Variants in SLC24A4 observed in about 807,000 individuals in gnomAD.
SLC24A4 encodes sodium/potassium/calcium exchanger 4.
SLC24A4 carries 53 observed loss-of-function variants against 79.0 expected under a neutral mutation model. That is an observed-to-expected ratio of 0.67 (90% confidence interval 0.54 to 0.84). The LOEUF (loss-of-function observed/expected upper bound fraction) is 0.84. Among genes scored for constraint, SLC24A4 ranks in the 40% least tolerant of loss-of-function variants. The pLI is 0.00. For missense variants in SLC24A4, 731 were observed against 822.0 expected (o/e 0.89, Z 1.35); for synonymous variants, 323 against 323.8 (o/e 1.00, Z 0.03).
intron 2 of SLC24A4, among the ~76,000 whole-genome samples, chr14:92,413,900 C>T (rs1422823850): frequency 1.3e-5 from 2 of 152,132 alleles, no homozygotes; most frequent in Admixed American, 6.5e-5. Flanking sequence ...CTGAATGAGA[C>T]TTTAAGGAGA....
chr14:92,364,947 GCCCCTT>G (rs1887742548), intron 2 of SLC24A4, among the ~76,000 whole-genome samples: 3 of 152,172 alleles, frequency 2.0e-5, no homozygotes, highest in Admixed American at 2.0e-4. Context: ...TGCCGTGAGA[GCCCCTT>G]CCTCCTGCCT....
At chr14:92,372,997 CTTCTT>C (rs1566722183) in intron 2 of SLC24A4, among the ~76,000 whole-genome samples, 1 of 139,322 alleles carries the variant, frequency 7.2e-6, no homozygotes, top group Admixed American at 7.6e-5. Flanking sequence ...CTCTCTCTCT[CTTCTT>C]TCTTTCTTTC....
intron 2 of SLC24A4, among the ~76,000 whole-genome samples, chr14:92,393,027 T>C (rs1889567781): frequency 6.6e-6 from 1 of 152,216 alleles, no homozygotes; most frequent in African/African-American, 2.4e-5. Flanking sequence ...GGGACACCTC[T>C]TCCACTGTGT....
At chr14:92,458,882 G>T (rs894968112) in intron 12 of SLC24A4, among the ~76,000 whole-genome samples, 2 of 152,206 alleles carry the variant, frequency 1.3e-5, no homozygotes, top group African/African-American at 4.8e-5. Flanking sequence ...AGAGCAGGCT[G>T]CATTGAGGGA....
intron 2 of SLC24A4, among the ~76,000 whole-genome samples, chr14:92,385,169 A>G (rs1489439285): frequency 6.6e-6 from 1 of 152,184 alleles, no homozygotes; most frequent in East Asian, 1.9e-4. Flanking sequence ...CACCTCTGCT[A>G]AGACACAGTG....
At chr14:92,361,058 C>T (rs370143667) in intron 2 of SLC24A4, among the ~76,000 whole-genome samples, 8 of 152,236 alleles carry the variant, frequency 5.3e-5, no homozygotes, top group South Asian at 2.1e-4. Context: ...AGCGAGCACC[C>T]GGAGCCTCTG....
rs541879020 is a variant in SLC24A4 at position 92,448,520 on chromosome 14, G to A, written c.738-554G>A. Among the ~76,000 whole-genome samples the A allele has an allele frequency of 3.9e-5, 6 of 152,264 alleles. No individual in the cohort carries two copies. The South Asian group carries it at 1.0e-3, about 26-fold the overall frequency. ...TAAAACATTTATAATGTTTTATAAAGATGGGTGATAAACTATCAGACTGCA... is the reference window on the plus strand; with the variant it reads ...TAAAACATTTATAATGTTTTATAAAAATGGGTGATAAACTATCAGACTGCA... On this transcript the variant is annotated intron_variant, in intron 9 of 16. Transcript: ENST00000532405.
intron 12 of SLC24A4, among the ~76,000 whole-genome samples, chr14:92,470,924 AAAC>A (rs1478646652): frequency 3.0e-4 from 46 of 152,324 alleles, no homozygotes; most frequent in Admixed American, 1.5e-3. Context: ...GGTTCAGAGG[AAAC>A]AACAAGACAC....
chr14:92,469,815 GC>G (rs1196359167), intron 12 of SLC24A4, among the ~76,000 whole-genome samples: 2 of 152,116 alleles, frequency 1.3e-5, no homozygotes, highest in Non-Finnish European at 2.9e-5. Context: ...AGACACAAAA[GC>G]CCCCATGTTA....
At position 92,442,696 on chromosome 14, in the gene SLC24A4, G is replaced by T. The variant is rs778642999; in HGVS notation, c.479-17G>T. ...GACGTGTGGCTGAGGCCCAGGGTCT[G>T]TGTGTTTCCTTTCCAGGGGTGTTCA... On this transcript the variant is annotated splice_polypyrimidine_tract_variant and intron_variant, in intron 5 of 16. Coordinates refer to ENST00000532405, the MANE Select transcript of SLC24A4 (RefSeq NM_153646.4). The T allele has an allele frequency of 6.3e-7, 1 of 1,584,444 alleles. No homozygotes were observed. Among genetic ancestry groups the T allele is most frequent in the Admixed American group, 1.7e-5 (1 of 59,958 alleles).
At chr14:92,465,756 C>T (rs34029426) in intron 12 of SLC24A4, among the ~76,000 whole-genome samples, 7,038 of 152,196 alleles carry the variant, frequency 0.046, 275 homozygotes, top group East Asian at 0.2. Context: ...CTCCCGACCC[C>T]CGAGAGCTCT....
chr14:92,493,748 A>G lies in SLC24A4; in HGVS notation c.*120A>G. 1 of 1,183,740 alleles carries G rather than the reference A, an allele frequency of 8.4e-7. No individual in the cohort carries two copies. Among genetic ancestry groups the G allele is most frequent in the Non-Finnish European group, 1.2e-6 (1 of 851,606 alleles). 73.3% of individuals were successfully genotyped at this position (1,183,740 alleles called of 1,614,324 possible). A position where few individuals can be genotyped will look rare whatever the true frequency, so the allele number is the denominator to read the frequency against. On this transcript the variant is annotated 3_prime_UTR_variant, in exon 17 of 17. Transcript: ENST00000532405. The stretch of plus-strand genomic sequence containing the variant: ...AGGCAGCCACTGTCCGTTCTTTCAC[A>G]CACTGGAAGGAAGAGCCATCGTGGT...
intron 12 of SLC24A4, among the ~76,000 whole-genome samples, chr14:92,468,120 T>A (rs1350962813): frequency 6.6e-6 from 1 of 152,148 alleles, no homozygotes; most frequent in Non-Finnish European, 1.5e-5. Context: ...TTTTAACACC[T>A]TAGTCATTAA....
chr14:92,435,489 T>C (rs112206209), intron 3 of SLC24A4, among the ~76,000 whole-genome samples: 2,039 of 152,346 alleles, frequency 0.013, 34 homozygotes, highest in African/African-American at 0.039. Flanking sequence ...AAAGGTTTGC[T>C]GACTCTATTG....
At chr14:92,393,254 A>T (rs915486567) in intron 2 of SLC24A4, among the ~76,000 whole-genome samples, 11 of 152,264 alleles carry the variant, frequency 7.2e-5, no homozygotes, top group Non-Finnish European at 1.0e-4. Context: ...AACAGACCAG[A>T]CATACCTCAG....
At chr14:92,414,544 T>A (rs918795489) in intron 2 of SLC24A4, among the ~76,000 whole-genome samples, 1 of 152,126 alleles carries the variant, frequency 6.6e-6, no homozygotes, top group Admixed American at 6.5e-5. Flanking sequence ...GAGACCAGCC[T>A]GGGTGACACA....
At chr14:92,357,084 A>G (rs1458672926) in intron 2 of SLC24A4, among the ~76,000 whole-genome samples, 2 of 152,198 alleles carry the variant, frequency 1.3e-5, no homozygotes, top group African/African-American at 4.8e-5. Context: ...TATTCCCCCC[A>G]GGATTGGAAC....
chr14:92,381,840 G>A (rs1293680877), intron 2 of SLC24A4, among the ~76,000 whole-genome samples: 2 of 152,104 alleles, frequency 1.3e-5, no homozygotes. Flanking sequence ...CACACTTGGG[G>A]TGTGGCCTAG....
At chr14:92,428,816 AG>A (rs762816772) in intron 2 of SLC24A4, among the ~76,000 whole-genome samples, 10 of 152,260 alleles carry the variant, frequency 6.6e-5, no homozygotes, top group Non-Finnish European at 1.2e-4. Context: ...GAGTTGAGTA[AG>A]GAGATGGGAG....
Sources: gnomAD v4.1 joint callset for allele counts (sites outside exome capture counted in the v4.1 genomes callset) on GRCh38, gnomAD v4.1.1 for gene constraint, MANE v1.5 for transcripts, NCBI Gene and HGNC (gene_info 2026-07-23, HGNC 2026-07-21) for gene names.